Variants in RNF220 observed in about 807,000 individuals in gnomAD.
RNF220 encodes E3 ubiquitin-protein ligase RNF220.
Under a neutral mutation model 67.1 loss-of-function variants are expected in RNF220, and 7 were observed. That is an observed-to-expected ratio of 0.10 (90% CI 0.06 to 0.20). The LOEUF is 0.20. Among genes scored for constraint, RNF220 ranks in the 10% least tolerant of loss-of-function variants. The probability of loss-of-function intolerance (pLI) is 1.00; values close to 1 mark genes in which losing one functional copy is unlikely to be tolerated. For synonymous variants in RNF220, 270 were observed against 283.2 expected, an observed-to-expected ratio of 0.95 and a Z score of 0.47; for missense variants, 565 against 740.3, an observed-to-expected ratio of 0.76 and a Z score of 2.75.
At position 44,467,500 on chromosome 1, in the gene RNF220, C is replaced by T. The variant is rs188910112; in HGVS notation, c.625+54778C>T. ...TGCTGGGATTACAGGCGTGAGCCACCGCACCTGGCTGCTTCAGACTTTTCT... is the reference window on the plus strand; with the variant it reads ...TGCTGGGATTACAGGCGTGAGCCACTGCACCTGGCTGCTTCAGACTTTTCT... On this transcript the variant is annotated intron_variant, in intron 2 of 14. Coordinates refer to ENST00000361799, the MANE Select transcript of RNF220 (RefSeq NM_018150.4). Among the ~76,000 whole-genome samples the T allele has an allele frequency of 4.6e-5, 7 of 152,292 alleles. No individual in the cohort carries two copies. In the East Asian group the frequency reaches 9.7e-4, roughly 21 times the overall value.
chr1:44,603,918 A>G lies in RNF220; in HGVS notation c.626-10247A>G, dbSNP rs563360261. ...CCACCCATCAGCCTAGAAAGCAGGT[A>G]ACACTGCCCTCCTTGGCAGCTCAGG... On this transcript the variant is annotated intron_variant, in intron 2 of 14. Coordinates refer to ENST00000361799, the MANE Select transcript of RNF220 (RefSeq NM_018150.4). 1.3e-4 allele frequency among the ~76,000 whole-genome samples: 20 copies of G among 152,400 alleles called. No homozygotes were observed. In the South Asian group the frequency reaches 4.1e-3, roughly 32 times the overall value.
rs747440502 is a variant in RNF220, at chr1:44,632,310, C to A, written c.907-33C>A. The A allele has an allele frequency of 1.1e-5, 18 of 1,613,984 alleles. No homozygotes were observed. In the African/African-American group the frequency reaches 1.3e-4, roughly 12 times the overall value. ...CAGGCCGCGCCTGACGCTCTCTTTT[C>A]TTTTCTTGCATCTGCCCGCGATCTT... On this transcript the variant is annotated intron_variant, in intron 5 of 14. Transcript: ENST00000361799.
At chr1:44,515,575 T>C (rs1659391146) in intron 2 of RNF220, among the ~76,000 whole-genome samples, 1 of 152,236 alleles carries the variant, frequency 6.6e-6, no homozygotes, top group East Asian at 1.9e-4. Context: ...CCAGGTATCA[T>C]GCTGAGTCAA....
At chr1:44,458,353 T>A (rs1254366078) in intron 2 of RNF220, among the ~76,000 whole-genome samples, 2 of 142,208 alleles carry the variant, frequency 1.4e-5, no homozygotes, top group East Asian at 2.0e-4. Flanking sequence ...TTTTTTTTTT[T>A]ACTAATATCA....
At chr1:44,592,595 C>T (rs116365520) in intron 2 of RNF220, among the ~76,000 whole-genome samples, 4,127 of 152,282 alleles carry the variant, frequency 0.027, 77 homozygotes, top group Non-Finnish European at 0.037. Context: ...TGATTCCCCG[C>T]TTGGGGCAGG....
chr1:44,472,491 AT>A (rs1654902357), intron 2 of RNF220, among the ~76,000 whole-genome samples: 1 of 152,218 alleles, frequency 6.6e-6, no homozygotes, highest in Non-Finnish European at 1.5e-5. Flanking sequence ...CTAGTGACTA[AT>A]GATACTGAGC....
intron 2 of RNF220, among the ~76,000 whole-genome samples, chr1:44,576,596 T>C (rs1425978071): frequency 2.0e-5 from 3 of 151,958 alleles, no homozygotes; most frequent in Non-Finnish European, 4.4e-5. Context: ...CAGGACAGGA[T>C]GGGCCCCAGT....
chr1:44,587,145 C>CTTTTT (rs60300155), intron 2 of RNF220, among the ~76,000 whole-genome samples: 1 of 124,122 alleles, frequency 8.1e-6, no homozygotes, highest in African/African-American at 3.5e-5. Context: ...CTTCTTCTTC[C>CTTTTT]TTTTTTTTTT....
intron 1 of RNF220, among the ~76,000 whole-genome samples, chr1:44,411,371 T>C (rs960963660): frequency 1.2e-4 from 19 of 152,096 alleles, no homozygotes; most frequent in African/African-American, 4.3e-4. Flanking sequence ...CTGGAAACAG[T>C]CTTAGATGAT....
At chr1:44,633,643 T>C (rs1331303613) in intron 6 of RNF220, among the ~76,000 whole-genome samples, 1 of 152,250 alleles carries the variant, frequency 6.6e-6, no homozygotes, top group Non-Finnish European at 1.5e-5. Flanking sequence ...CATCCAGTAT[T>C]GTGCCTTTCT....
Position 44,519,557 on chromosome 1 carries a change from G to A in RNF220, c.626-94608G>A, listed in dbSNP as rs142196916. ...GTGTTCGAAGCAGAGGAAGTAGCAT[G>A]TGCAAAAGCCCAGCAGCAAAAGAAA... On this transcript the variant is annotated intron_variant, in intron 2 of 14. Transcript: ENST00000361799. Among the ~76,000 whole-genome samples, 43 of 152,320 alleles carry A rather than the reference G, an allele frequency of 2.8e-4. 1 individual carries two copies. In the East Asian group the frequency reaches 7.1e-3, roughly 25 times the overall value.
rs1422162752 is a variant in RNF220 at position 44,565,782 on chromosome 1, A to G, written c.626-48383A>G. Among the ~76,000 whole-genome samples, 1 of 152,122 alleles carries G rather than the reference A, an allele frequency of 6.6e-6. No individual in the cohort carries two copies. Among genetic ancestry groups the G allele is most frequent in the Admixed American group, 6.5e-5 (1 of 15,278 alleles). On this transcript the variant is annotated intron_variant, in intron 2 of 14. Coordinates refer to ENST00000361799, the MANE Select transcript of RNF220 (RefSeq NM_018150.4). The surrounding 1 kb of genome is among the most constrained non-coding windows in gnomAD (Gnocchi z 4.2). Reference sequence around the variant, plus strand: ...CCTTCCCTGCCCCTCCCTGGGTGCCAATGGGACTGGATCTGGAGACTCCCA... The same window carrying G: ...CCTTCCCTGCCCCTCCCTGGGTGCCGATGGGACTGGATCTGGAGACTCCCA...
intron 2 of RNF220, among the ~76,000 whole-genome samples, chr1:44,445,753 T>C (rs1300222829): frequency 6.6e-6 from 1 of 152,200 alleles, no homozygotes; most frequent in African/African-American, 2.4e-5. Context: ...CGAAACACAC[T>C]GTCTTTATTT....
intron 2 of RNF220, among the ~76,000 whole-genome samples, chr1:44,442,904 A>T (rs531282946): frequency 6.6e-6 from 1 of 152,086 alleles, no homozygotes; most frequent in Non-Finnish European, 1.5e-5. Context: ...TGTTCACCCA[A>T]TTGCTTTGGC....
rs548240836 is a variant in RNF220, at chr1:44,546,309, G to GC, written c.626-67853dup. On this transcript the variant is annotated intron_variant, in intron 2 of 14. Coordinates refer to ENST00000361799, the MANE Select transcript of RNF220 (RefSeq NM_018150.4). ...GAGCCATGGCTCAGTGGCCCCCCAG[G>GC]CCCAGCCTAAGAGGTCGCATGGCTA... Among the ~76,000 whole-genome samples the GC allele has an allele frequency of 1.1e-4, 17 of 152,200 alleles. No homozygotes were observed. In the South Asian group the frequency reaches 2.5e-3, roughly 22 times the overall value.
chr1:44,526,614 C>G (rs1263108629), intron 2 of RNF220, among the ~76,000 whole-genome samples: 2 of 152,144 alleles, frequency 1.3e-5, no homozygotes, highest in Admixed American at 1.3e-4. Flanking sequence ...AATCTGGCAC[C>G]ACCATCTCTT....
intron 5 of RNF220, among the ~76,000 whole-genome samples, chr1:44,629,535 G>A (rs1421633437): frequency 6.6e-6 from 1 of 152,160 alleles, no homozygotes; most frequent in Non-Finnish European, 1.5e-5. Flanking sequence ...GCTATGACAG[G>A]AGTATAAATA....
rs934661176 is a variant in RNF220 at position 44,569,315 on chromosome 1, C to G, written c.626-44850C>G. Among the ~76,000 whole-genome samples, 51 of 152,096 alleles carry G rather than the reference C, an allele frequency of 3.4e-4. 2 individuals are homozygous for G. ...TCGCCTCATTCATAATTTATACCCT[C>G]AATTACTATTAATAAAGAAATATTT... On this transcript the variant is annotated intron_variant, in intron 2 of 14. Coordinates refer to ENST00000361799, the MANE Select transcript of RNF220 (RefSeq NM_018150.4).
intron 2 of RNF220, among the ~76,000 whole-genome samples, chr1:44,471,919 CT>C (rs1654849113): frequency 6.6e-6 from 1 of 152,222 alleles, no homozygotes; most frequent in Non-Finnish European, 1.5e-5. Context: ...TGCTTACCAT[CT>C]CTGTGGATTT....
Sources: allele counts gnomAD v4.1 joint callset (sites outside exome capture counted in the v4.1 genomes callset), GRCh38; gene constraint gnomAD v4.1.1; non-coding constraint Gnocchi (gnomAD v3.1); transcripts MANE v1.5; gene names NCBI Gene and HGNC (gene_info 2026-07-23, HGNC 2026-07-21).